Variants in PEX5L observed in about 807,000 individuals in gnomAD.
PEX5L encodes peroxisomal biogenesis factor 5 like.
PEX5L carries 30 observed loss-of-function variants against 84.0 expected under a neutral mutation model. The observed-to-expected ratio is 0.36, with a 90% CI of 0.27 to 0.48. PEX5L has a LOEUF of 0.48. PEX5L is among the 20% of genes least tolerant of loss of function. The pLI, the probability that PEX5L is intolerant of heterozygous loss-of-function variation, is 0.99. For missense variants in PEX5L, 533 were observed against 754.6 expected (o/e 0.71, Z 3.44); for synonymous variants, 270 against 283.1 (o/e 0.95, Z 0.46).
intron 2 of PEX5L, among the ~76,000 whole-genome samples, chr3:179,945,808 G>A (rs948249304): frequency 2.0e-5 from 3 of 152,094 alleles, no homozygotes; most frequent in Admixed American, 6.6e-5. Context: ...AAACATATCC[G>A]ATCAAAATTC....
intron 1 of PEX5L, among the ~76,000 whole-genome samples, chr3:180,012,817 A>C (rs1053010109): frequency 6.6e-6 from 1 of 152,110 alleles, no homozygotes; most frequent in Non-Finnish European, 1.5e-5. Context: ...TGTCGACCTA[A>C]TAGTAAATCT....
chr3:179,878,172 G>T (rs1753060939), intron 5 of PEX5L, among the ~76,000 whole-genome samples: 2 of 152,082 alleles, frequency 1.3e-5, no homozygotes, highest in South Asian at 4.2e-4. Context: ...GTTCACTCCT[G>T]CCCCTCTTCC....
intron 1 of PEX5L, among the ~76,000 whole-genome samples, chr3:180,032,616 G>A (rs1791559154): frequency 1.3e-5 from 2 of 152,228 alleles, no homozygotes; most frequent in South Asian, 4.1e-4. Context: ...CACTGTGGGA[G>A]GCAAAGGCGC....
At chr3:179,864,859 T>C (rs534393276) in intron 7 of PEX5L, among the ~76,000 whole-genome samples, 1 of 152,298 alleles carries the variant, frequency 6.6e-6, no homozygotes, top group South Asian at 2.1e-4. Context: ...TGTGCATTTA[T>C]ATAATGTCAT....
chr3:179,922,450 T>C (rs1220838666), intron 2 of PEX5L, among the ~76,000 whole-genome samples: 2 of 147,164 alleles, frequency 1.4e-5, no homozygotes, highest in African/African-American at 2.5e-5. Context: ...CCTTTTCTTT[T>C]CTTTTTTTTT....
intron 2 of PEX5L, among the ~76,000 whole-genome samples, chr3:179,931,297 G>A (rs995510945): frequency 6.6e-6 from 1 of 152,130 alleles, no homozygotes. Context: ...TCACATCTCA[G>A]GAGGCAAAGG....
At chr3:179,882,387 G>A (rs1311762562) in intron 4 of PEX5L, among the ~76,000 whole-genome samples, 6 of 152,178 alleles carry the variant, frequency 3.9e-5, no homozygotes, top group Admixed American at 2.0e-4. Context: ...AAAGTGTCCT[G>A]GGCAATTCCT....
chr3:179,815,756 G>T lies in PEX5L; in HGVS notation c.1083+105C>A, dbSNP rs566583305. The T allele has an allele frequency of 1.1e-5, 14 of 1,266,808 alleles. No individual in the cohort carries two copies. The African/African-American group carries it at 2.1e-4, about 19-fold the overall frequency. 78.5% of individuals were successfully genotyped at this position (1,266,808 alleles called of 1,614,324 possible). A position where few individuals can be genotyped will look rare whatever the true frequency, so the allele number is the denominator to read the frequency against. The stretch of plus-strand genomic sequence containing the variant: ...AGACTAAGCTAGGTTAACTCCTCTG[G>T]GAACCTTTACTTGATGAAAAGCTGA... On this transcript the variant is annotated intron_variant, in intron 10 of 14. Transcript: ENST00000467460.
chr3:180,005,082 CTT>C (rs1370592346), intron 1 of PEX5L, among the ~76,000 whole-genome samples: 1 of 151,974 alleles, frequency 6.6e-6, no homozygotes, highest in Non-Finnish European at 1.5e-5. Context: ...AAGAGAGTAA[CTT>C]TTTTTCTTAT....
At chr3:179,874,157 A>G (rs1209694786) in intron 7 of PEX5L, among the ~76,000 whole-genome samples, 170 bp downstream of exon 7, 2 of 152,100 alleles carry the variant, frequency 1.3e-5, no homozygotes, top group African/African-American at 4.8e-5. Context: ...ATACACACAC[A>G]CCTATATTTC....
At chr3:179,819,838 G>A in intron 9 of PEX5L, 22 bp downstream of exon 9, 1 of 1,608,876 alleles carries the variant, frequency 6.2e-7, no homozygotes, top group African/African-American at 1.3e-5. Context: ...TAGTCAGCAT[G>A]TATAGGAACA....
chr3:179,990,048 A>G (rs1787238371), intron 1 of PEX5L, among the ~76,000 whole-genome samples: 1 of 152,236 alleles, frequency 6.6e-6, no homozygotes, highest in Non-Finnish European at 1.5e-5. Context: ...GATAGTGCTT[A>G]GTTGATAAAA....
chr3:179,909,110 C>A (rs1764291165), intron 2 of PEX5L, among the ~76,000 whole-genome samples: 1 of 152,068 alleles, frequency 6.6e-6, no homozygotes, highest in African/African-American at 2.4e-5. Flanking sequence ...TGCTTGTATT[C>A]ATCCATGGAA....
At chr3:180,007,849 G>T (rs1789062889) in intron 1 of PEX5L, among the ~76,000 whole-genome samples, 1 of 152,212 alleles carries the variant, frequency 6.6e-6, no homozygotes. Flanking sequence ...ACACAGTGCA[G>T]GGACCCTGGG....
chr3:179,931,511 T>G (rs1171352826), intron 2 of PEX5L, among the ~76,000 whole-genome samples: 2 of 152,222 alleles, frequency 1.3e-5, no homozygotes, highest in African/African-American at 4.8e-5. Context: ...AGAACCACAT[T>G]GGAAAGTTTG....
At chr3:179,964,520 A>G (rs1782847593) in intron 2 of PEX5L, among the ~76,000 whole-genome samples, 1 of 152,202 alleles carries the variant, frequency 6.6e-6, no homozygotes, top group African/African-American at 2.4e-5. Flanking sequence ...CAAGCCATAG[A>G]ATGCAAGAAG....
chr3:179,910,084 C>T (rs1560658529), intron 2 of PEX5L, among the ~76,000 whole-genome samples: 1 of 152,232 alleles, frequency 6.6e-6, no homozygotes, highest in Admixed American at 6.5e-5. Context: ...AATTCACTAA[C>T]AATGTTACTT....
chr3:180,033,558 G>T (rs1381347010), intron 1 of PEX5L, among the ~76,000 whole-genome samples: 1 of 152,184 alleles, frequency 6.6e-6, no homozygotes, highest in Non-Finnish European at 1.5e-5. Context: ...AACTGGAAAT[G>T]TTAACTCAAA....
Position 180,012,523 on chromosome 3 carries a change from T to C in PEX5L, c.21+24056A>G, listed in dbSNP as rs80055134. Among the ~76,000 whole-genome samples the C allele has an allele frequency of 6.3e-3, 956 of 152,264 alleles. 20 individuals are homozygous for C. The highest frequency in any genetic ancestry group is 0.049 in the Admixed American group (742 of 15,288). On this transcript the variant is annotated intron_variant, in intron 1 of 14. Coordinates refer to ENST00000467460, the MANE Select transcript of PEX5L (RefSeq NM_016559.3). ...TGCAATTTAAACCCATTGTCTTCTTTAGAAGAATTATATGATTATAGCACT... is the reference window on the plus strand; with the variant it reads ...TGCAATTTAAACCCATTGTCTTCTTCAGAAGAATTATATGATTATAGCACT...
Sources: gnomAD v4.1 joint callset for allele counts (sites outside exome capture counted in the v4.1 genomes callset) on GRCh38, gnomAD v4.1.1 for gene constraint, MANE v1.5 for transcripts, NCBI Gene and HGNC (gene_info 2026-07-23, HGNC 2026-07-21) for gene names.